The following RBBP8 variants were observed in gnomAD, a reference collection of about 807,000 sequenced individuals.
The protein encoded by RBBP8 is RB binding protein 8, endonuclease.
RBBP8 carries 88 observed loss-of-function variants against 108.3 expected under a neutral mutation model. The ratio of observed to expected loss-of-function variants is 0.81; its 90% CI spans 0.68 to 0.97. The LOEUF is 0.97. RBBP8 is among the 50% of genes least tolerant of loss of function. The probability of loss-of-function intolerance (pLI) is 0.00; values close to 1 mark genes in which losing one functional copy is unlikely to be tolerated. For synonymous variants in RBBP8, 332 were observed against 348.2 expected (o/e 0.95, Z 0.52); for missense variants, 1,023 against 1,049.0 (o/e 0.98, Z 0.34).
At chr18:23,001,775 C>G (rs746194955) in intron 15 of RBBP8, 46 bp downstream of exon 15, 4 of 1,604,578 alleles carry the variant, frequency 2.5e-6, no homozygotes, top group Non-Finnish European at 3.4e-6. Flanking sequence ...TTGCAGAATT[C>G]AGTAAGTTAA....
At chr18:22,954,545 C>T (rs1288301055) in intron 4 of RBBP8, among the ~76,000 whole-genome samples, 1 of 152,178 alleles carries the variant, frequency 6.6e-6, no homozygotes, top group Admixed American at 6.5e-5. Flanking sequence ...AGGGTACAGC[C>T]CCATTCCCAG....
intron 2 of RBBP8, among the ~76,000 whole-genome samples, chr18:22,943,470 C>T (rs1024449598): frequency 5.3e-5 from 8 of 151,832 alleles, no homozygotes; most frequent in African/African-American, 1.7e-4. Context: ...TTATCAGTAA[C>T]TCTCACACCT....
intron 7 of RBBP8, among the ~76,000 whole-genome samples, chr18:22,984,147 C>T (rs1915158543): frequency 6.6e-6 from 1 of 151,918 alleles, no homozygotes; most frequent in Admixed American, 6.6e-5. Flanking sequence ...CTCTAACTTC[C>T]CTTGCTTGCT....
At chr18:22,984,791 A>G (rs1915200402) in intron 7 of RBBP8, 95 bp from the exon 8 acceptor site, 2 of 705,012 alleles carry the variant, frequency 2.8e-6, no homozygotes, top group Admixed American at 5.5e-5. Flanking sequence ...CAGATAATAC[A>G]TAAAAATTTT....
chr18:22,942,544 T>C (rs1911187758), intron 2 of RBBP8, among the ~76,000 whole-genome samples: 1 of 152,104 alleles, frequency 6.6e-6, no homozygotes, highest in African/African-American at 2.4e-5. Flanking sequence ...ACCGAGTTTT[T>C]ATATCCTTTA....
At chr18:22,986,556 AT>A (rs997802481) in intron 8 of RBBP8, among the ~76,000 whole-genome samples, 92 of 152,110 alleles carry the variant, frequency 6.0e-4, no homozygotes, top group African/African-American at 2.2e-3. Flanking sequence ...TCAAGGGAGG[AT>A]TTTTTTTCAA....
intron 3 of RBBP8, among the ~76,000 whole-genome samples, chr18:22,922,935 T>C (rs1444093793): frequency 6.6e-6 from 1 of 152,218 alleles, no homozygotes; most frequent in Admixed American, 6.5e-5. Flanking sequence ...AACTCAATTA[T>C]GTAAATCAAG....
At chr18:23,013,913 C>T (rs2046212934) in intron 16 of RBBP8, among the ~76,000 whole-genome samples, 1 of 152,156 alleles carries the variant, frequency 6.6e-6, no homozygotes, top group Admixed American at 6.5e-5. Flanking sequence ...ATAATTTTTG[C>T]AAAGGTGACC....
intron 3 of RBBP8, among the ~76,000 whole-genome samples, chr18:22,919,557 CT>C (rs1036570683): frequency 1.3e-5 from 2 of 152,004 alleles, no homozygotes; most frequent in Non-Finnish European, 1.5e-5. Context: ...ATCACATATT[CT>C]TTTTTTCTTT....
intron 17 of RBBP8, among the ~76,000 whole-genome samples, chr18:23,017,754 T>TC (rs1444270729): frequency 4.9e-5 from 7 of 143,782 alleles, no homozygotes; most frequent in African/African-American, 1.8e-4. Context: ...TTTTTTTTTT[T>TC]TTTTTTTTTT....
intron 4 of RBBP8, among the ~76,000 whole-genome samples, chr18:22,956,738 G>A (rs930786045): frequency 2.0e-5 from 3 of 152,108 alleles, no homozygotes; most frequent in Non-Finnish European, 4.4e-5. Context: ...TCAATGAAGG[G>A]AATTACCTAG....
Position 22,982,198 on chromosome 18 carries a change from C to G in RBBP8, c.429-20C>G, listed in dbSNP as rs755077339. The G allele has an allele frequency of 6.2e-7, 1 of 1,607,636 alleles. No homozygotes were observed. Among genetic ancestry groups the G allele is most frequent in the Non-Finnish European group, 8.5e-7 (1 of 1,174,570 alleles). On this transcript the variant is annotated intron_variant, in intron 6 of 18. Coordinates refer to ENST00000327155, the MANE Select transcript of RBBP8 (RefSeq NM_002894.3). ...AATACTCATTGAATTGATTTTCTTT[C>G]CATTGTCATTCTTCTCTAGGAATGA...
At chr18:22,921,224 A>G (rs890175719) in intron 3 of RBBP8, among the ~76,000 whole-genome samples, 1 of 152,172 alleles carries the variant, frequency 6.6e-6, no homozygotes, top group Non-Finnish European at 1.5e-5. Context: ...GAAGGCCAAT[A>G]CAAAAGTTCA....
intron 6 of RBBP8, among the ~76,000 whole-genome samples, chr18:22,977,524 T>C (rs988089952): frequency 7.2e-5 from 11 of 152,156 alleles, no homozygotes; most frequent in Admixed American, 3.9e-4. Flanking sequence ...TTTTAGAAAA[T>C]AGATGTGATG....
intron 8 of RBBP8, among the ~76,000 whole-genome samples, chr18:22,985,618 GT>G (rs1157929586): frequency 6.6e-6 from 1 of 152,024 alleles, no homozygotes; most frequent in Non-Finnish European, 1.5e-5. Flanking sequence ...GAAAAATAGA[GT>G]TACCATTTAC....
intron 2 of RBBP8, among the ~76,000 whole-genome samples, chr18:22,937,359 G>T (rs139015904): frequency 0.016 from 2,477 of 152,076 alleles, 78 homozygotes; most frequent in African/African-American, 0.057. Flanking sequence ...CCATGTTGCT[G>T]CAAAGAAAAT....
intron 2 of RBBP8, among the ~76,000 whole-genome samples, chr18:22,939,915 T>C (rs1047174302): frequency 1.2e-4 from 18 of 152,082 alleles, no homozygotes; most frequent in African/African-American, 4.3e-4. Context: ...AGGAAGATGG[T>C]GGAAGGGGAG....
chr18:22,986,682 G>T (rs931584940), intron 8 of RBBP8, among the ~76,000 whole-genome samples: 1 of 152,174 alleles, frequency 6.6e-6, no homozygotes, highest in Non-Finnish European at 1.5e-5. Flanking sequence ...CCTTAAAAAG[G>T]TCAGAGGAGA....
chr18:23,017,486 T>C (rs1034066687), intron 17 of RBBP8, among the ~76,000 whole-genome samples: 3 of 150,876 alleles, frequency 2.0e-5, no homozygotes, highest in Non-Finnish European at 4.4e-5. Flanking sequence ...ACCCCGTCTC[T>C]ACTAAAAACA....
Sources: allele counts gnomAD v4.1 joint callset (sites outside exome capture counted in the v4.1 genomes callset), GRCh38; gene constraint gnomAD v4.1.1; transcripts MANE v1.5; gene names NCBI Gene and HGNC (gene_info 2026-07-23, HGNC 2026-07-21).